The following TLN2 variants were observed in gnomAD, a reference collection of about 807,000 sequenced individuals.
TLN2 encodes the protein talin-2.
In TLN2, 118 loss-of-function variants were observed where a neutral mutation model predicts 294.7. The ratio of observed to expected loss-of-function variants is 0.40; its 90% CI spans 0.34 to 0.47. The LOEUF is 0.47. Among genes scored for constraint, TLN2 ranks in the 20% least tolerant of loss-of-function variants. The probability of loss-of-function intolerance (pLI) is 0.84; values close to 1 mark genes in which losing one functional copy is unlikely to be tolerated. For synonymous variants in TLN2, 1,431 were observed against 1,304.5 expected, an observed-to-expected ratio of 1.10 and a Z score of -2.09; for missense variants, 3,083 against 3,282.2, an observed-to-expected ratio of 0.94 and a Z score of 1.48.
rs948541696 is a variant in TLN2, at chr15:62,728,572, C to T, written c.3358+1383C>T. 4.6e-5 allele frequency among the ~76,000 whole-genome samples: 7 copies of T among 152,228 alleles called. No homozygotes were observed. In the South Asian group the frequency reaches 6.2e-4, roughly 14 times the overall value. On this transcript the variant is annotated intron_variant, in intron 28 of 58. Coordinates refer to ENST00000636159, the MANE Select transcript of TLN2 (RefSeq NM_015059.3). ...CTCTATCCTTGTCACCACTTTGTAT[C>T]GTCAGTCTTTTAACTTTAGCCCTTT...
chr15:62,480,845 C>G (rs923552646), intron 1 of TLN2, among the ~76,000 whole-genome samples: 2 of 152,134 alleles, frequency 1.3e-5, no homozygotes, highest in African/African-American at 4.8e-5. Flanking sequence ...TGATACTGTG[C>G]TAAAGTGTTC....
At chr15:62,680,781 G>A (rs570672801) in intron 11 of TLN2, among the ~76,000 whole-genome samples, 15 of 152,048 alleles carry the variant, frequency 9.9e-5, no homozygotes, top group Admixed American at 7.2e-4. Context: ...CCCTGTTTGC[G>A]TTTGTATCCT....
intron 50 of TLN2, among the ~76,000 whole-genome samples, chr15:62,804,127 T>G (rs1409976288): frequency 6.6e-6 from 1 of 152,210 alleles, no homozygotes; most frequent in Non-Finnish European, 1.5e-5. Flanking sequence ...ATGGACTCTG[T>G]CACTCTGTGC....
At chr15:62,800,595 A>T in intron 49 of TLN2, 58 bp from the exon 50 acceptor site, 1 of 1,610,526 alleles carries the variant, frequency 6.2e-7, no homozygotes, top group Non-Finnish European at 8.5e-7. Context: ...AAGTAAAAGG[A>T]GTAGGGGCTG....
At chr15:62,499,043 G>C (rs1200235769) in intron 1 of TLN2, among the ~76,000 whole-genome samples, 3 of 152,150 alleles carry the variant, frequency 2.0e-5, no homozygotes, top group African/African-American at 7.2e-5. Context: ...AAGACTTACT[G>C]TGTGGACTTT....
intron 1 of TLN2, among the ~76,000 whole-genome samples, chr15:62,573,182 C>T (rs948822211): frequency 2.0e-5 from 3 of 152,186 alleles, no homozygotes; most frequent in African/African-American, 7.2e-5. Context: ...GCTCTATCCA[C>T]CTTGATCACA....
intron 28 of TLN2, among the ~76,000 whole-genome samples, chr15:62,734,582 C>T (rs990451630): frequency 6.6e-6 from 1 of 152,212 alleles, no homozygotes; most frequent in African/African-American, 2.4e-5. Flanking sequence ...TGTTTCTCTC[C>T]TTCACCTTAG....
intron 49 of TLN2, 75 bp downstream of exon 49, chr15:62,800,568 C>A: frequency 1.2e-6 from 2 of 1,609,248 alleles, no homozygotes; most frequent in South Asian, 2.2e-5. Flanking sequence ...CGTCCTTGCT[C>A]ATAGCATGCG....
intron 1 of TLN2, among the ~76,000 whole-genome samples, chr15:62,557,961 C>T (rs370493758): frequency 1.3e-5 from 2 of 152,200 alleles, no homozygotes; most frequent in Non-Finnish European, 2.9e-5. Context: ...TCTGCAGAGA[C>T]GCCTCAGTGG....
chr15:62,779,176 A>G (rs536403730), intron 43 of TLN2, among the ~76,000 whole-genome samples: 1 of 152,294 alleles, frequency 6.6e-6, no homozygotes, highest in African/African-American at 2.4e-5. Flanking sequence ...CTCTCTCGTC[A>G]TCTCAGCACT....
intron 12 of TLN2, among the ~76,000 whole-genome samples, chr15:62,689,058 TTCTC>T (rs758277235): frequency 0.01 from 1,552 of 150,316 alleles, 16 homozygotes; most frequent in African/African-American, 0.032. Context: ...TCCACTTTAT[TTCTC>T]TCTCTCTTTT....
At chr15:62,588,956 T>G (rs2045875403) in intron 1 of TLN2, among the ~76,000 whole-genome samples, 1 of 151,850 alleles carries the variant, frequency 6.6e-6, no homozygotes, top group Non-Finnish European at 1.5e-5. Flanking sequence ...ATGTAGAGTT[T>G]TCTTTCCTAA....
intron 53 of TLN2, 98 bp downstream of exon 53, chr15:62,819,719 T>C: frequency 9.6e-7 from 1 of 1,040,986 alleles, no homozygotes; most frequent in South Asian, 1.5e-5. Flanking sequence ...CAATGGCCTT[T>C]AGCTGGCAGA....
intron 3 of TLN2, among the ~76,000 whole-genome samples, chr15:62,621,358 A>G (rs1464701730): frequency 2.0e-5 from 3 of 152,214 alleles, no homozygotes; most frequent in Non-Finnish European, 4.4e-5. Flanking sequence ...GCTAGTTCAC[A>G]CTATTAGGGT....
chr15:62,726,048 C>T (rs539352567), intron 27 of TLN2, among the ~76,000 whole-genome samples: 3 of 152,112 alleles, frequency 2.0e-5, no homozygotes, highest in African/African-American at 7.2e-5. Context: ...TTAATGACAG[C>T]GTTGGGATTG....
intron 3 of TLN2, chr15:62,637,775 G>C (rs1334876295): frequency 6.6e-6 from 1 of 152,366 alleles, no homozygotes; most frequent in Non-Finnish European, 1.5e-5. Flanking sequence ...GAGTTGAGGG[G>C]AGCAGATGGA....
At chr15:62,601,681 A>G (rs998828221) in intron 2 of TLN2, among the ~76,000 whole-genome samples, 6 of 152,218 alleles carry the variant, frequency 3.9e-5, no homozygotes, top group African/African-American at 1.4e-4. Flanking sequence ...ATATACTAGA[A>G]TACTTATATA....
chr15:62,456,549 T>C (rs1188981889), intron 1 of TLN2, among the ~76,000 whole-genome samples: 3 of 152,186 alleles, frequency 2.0e-5, no homozygotes, highest in East Asian at 3.9e-4. Context: ...AGAATTCACA[T>C]TGGGTAGACT....
At chr15:62,446,655 C>T (rs1489090400) in intron 1 of TLN2, among the ~76,000 whole-genome samples, 2 of 122,150 alleles carry the variant, frequency 1.6e-5, no homozygotes, top group Non-Finnish European at 3.5e-5. Context: ...TTTACCTGAT[C>T]GCTGTGATTT....
Sources: allele counts gnomAD v4.1 joint callset (sites outside exome capture counted in the v4.1 genomes callset), GRCh38; gene constraint gnomAD v4.1.1; transcripts MANE v1.5; gene names NCBI Gene and HGNC (gene_info 2026-07-23, HGNC 2026-07-21).